Variants in EFCAB6 observed in about 807,000 individuals in gnomAD.
EFCAB6 encodes EF-hand calcium-binding domain-containing protein 6.
A neutral mutation model predicts 169.8 loss-of-function variants in EFCAB6; 156 were observed. The observed-to-expected ratio is 0.92, with a 90% CI of 0.81 to 1.05. EFCAB6 has a LOEUF of 1.05. EFCAB6 is among the 50% of genes least tolerant of loss of function. The pLI, the probability that EFCAB6 is intolerant of heterozygous loss-of-function variation, is 0.00. For synonymous variants in EFCAB6, 698 were observed against 676.4 expected (o/e 1.03, Z -0.50); for missense variants, 1,800 against 1,829.1 (o/e 0.98, Z 0.29).
At chr22:43,747,768 G>A (rs1343255338) in intron 6 of EFCAB6, among the ~76,000 whole-genome samples, 1 of 151,970 alleles carries the variant, frequency 6.6e-6, no homozygotes, top group African/African-American at 2.4e-5. Context: ...CTTCCTCTAA[G>A]GCCTGGTTCA....
chr22:43,676,072 A>G (rs184337441), intron 13 of EFCAB6, among the ~76,000 whole-genome samples: 1 of 152,104 alleles, frequency 6.6e-6, no homozygotes, highest in African/African-American at 2.4e-5. Flanking sequence ...TGAGGGGGAA[A>G]GGCTCATCAT....
At position 43,530,977 on chromosome 22, in the gene EFCAB6, CAAGAAGGGGT is replaced by C. The variant is rs76475527; in HGVS notation, c.4234-23_4234-14del. 0.056 allele frequency: 90,215 copies of C among 1,613,092 alleles called. 2,990 individuals are homozygous for C. The highest frequency in any genetic ancestry group is 0.093 in the Admixed American group (5,603 of 59,932). ...CGCCGGCTTCTTTCTAGACACAAGA[CAAGAAGGGGT>C]GAGGAGGGAGCTTTTGAACACGAGG... On this transcript the variant is annotated splice_polypyrimidine_tract_variant and intron_variant, in intron 30 of 31. Transcript: ENST00000262726.
At chr22:43,620,311 AAAAAG>A (rs879851458) in intron 20 of EFCAB6, among the ~76,000 whole-genome samples, 17 of 152,110 alleles carry the variant, frequency 1.1e-4, no homozygotes, top group Non-Finnish European at 2.4e-4. Flanking sequence ...AGCTAGTTAA[AAAAAG>A]AAAAGAAAAG....
At chr22:43,670,748 C>G (rs1357005314) in intron 15 of EFCAB6, among the ~76,000 whole-genome samples, 1 of 152,218 alleles carries the variant, frequency 6.6e-6, no homozygotes, top group Non-Finnish European at 1.5e-5. Flanking sequence ...CTTTGGTCAG[C>G]TGGGAGAGAC....
At chr22:43,568,723 G>A (rs1371683001) in intron 26 of EFCAB6, among the ~76,000 whole-genome samples, 5 of 152,172 alleles carry the variant, frequency 3.3e-5, no homozygotes, top group Non-Finnish European at 1.5e-5. Context: ...GGGGTGTGCT[G>A]CATAGGGCTG....
In EFCAB6 at chr22:43,616,113, T is replaced by A. The variant is rs985009252; in HGVS notation, c.2466-191A>T. On this transcript the variant is annotated intron_variant, in intron 20 of 31. Transcript: ENST00000262726. Reference sequence around the variant, plus strand: ...TGCATGTCAGGGAAGTCTTCTTAAATTTTGTAAGTCCTTGTTTATTTTCAG... The same window carrying A: ...TGCATGTCAGGGAAGTCTTCTTAAAATTTGTAAGTCCTTGTTTATTTTCAG... Among the ~76,000 whole-genome samples, 6 of 152,222 alleles carry A rather than the reference T, an allele frequency of 3.9e-5. No individual in the cohort carries two copies. In the South Asian group the frequency reaches 6.2e-4, roughly 16 times the overall value.
At chr22:43,662,330 C>T (rs1603049365) in intron 17 of EFCAB6, among the ~76,000 whole-genome samples, 1 of 152,132 alleles carries the variant, frequency 6.6e-6, no homozygotes, top group Non-Finnish European at 1.5e-5. Flanking sequence ...GACTCTATTT[C>T]TGCCATTCTC....
chr22:43,581,527 C>T (rs2050726956), intron 24 of EFCAB6, among the ~76,000 whole-genome samples: 1 of 152,206 alleles, frequency 6.6e-6, no homozygotes, highest in African/African-American at 2.4e-5. Flanking sequence ...GAACATATAG[C>T]ATATCTATTA....
chr22:43,797,020 G>GAC (rs1713079035), intron 2 of EFCAB6, among the ~76,000 whole-genome samples: 1 of 152,162 alleles, frequency 6.6e-6, no homozygotes, highest in Non-Finnish European at 1.5e-5. Context: ...TTGCTGATGT[G>GAC]ATATATATGA....
At chr22:43,596,626 C>T (rs760709037) in intron 23 of EFCAB6, among the ~76,000 whole-genome samples, 17 of 151,992 alleles carry the variant, frequency 1.1e-4, no homozygotes, top group African/African-American at 4.1e-4. Context: ...AAATGATATC[C>T]CTTGCTCATG....
At chr22:43,587,922 T>C (rs754545920) in intron 24 of EFCAB6, among the ~76,000 whole-genome samples, 4 of 152,118 alleles carry the variant, frequency 2.6e-5, no homozygotes, top group Non-Finnish European at 5.9e-5. Flanking sequence ...CAAATCAACA[T>C]ACCAAATCTA....
intron 3 of EFCAB6, among the ~76,000 whole-genome samples, chr22:43,776,559 G>A (rs147603129): frequency 1.8e-4 from 27 of 152,332 alleles, no homozygotes; most frequent in Non-Finnish European, 2.6e-4. Context: ...GGGTTTGTGA[G>A]CTGAAACCCG....
intron 24 of EFCAB6, among the ~76,000 whole-genome samples, chr22:43,588,924 C>T (rs2051259746): frequency 6.6e-6 from 1 of 151,970 alleles, no homozygotes; most frequent in Non-Finnish European, 1.5e-5. Context: ...AAAACTGACG[C>T]AGCAATACGA....
rs2053638912 is a variant in EFCAB6 at position 43,615,710 on chromosome 22, TAC to T, written c.2562+114_2562+115del. ...GAATAGCAGGAGTCCTCACACTGGG[TAC>T]ACAGAGTTGTTTTCCCATCTTAGCG... On this transcript the variant is annotated intron_variant, in intron 21 of 31. Coordinates refer to ENST00000262726, the MANE Select transcript of EFCAB6 (RefSeq NM_022785.4). The T allele has an allele frequency of 3.8e-6, 3 of 793,984 alleles. No individual in the cohort carries two copies. In the Admixed American group the frequency reaches 8.0e-5, roughly 21 times the overall value. The allele number at this position is 793,984 out of a possible 1,614,324, so 49.2% of individuals were successfully genotyped here. A position where few individuals can be genotyped will look rare whatever the true frequency, so the allele number is the denominator to read the frequency against.
In EFCAB6 at chr22:43,540,208, G is replaced by A. The variant is rs144783076; in HGVS notation, c.3798C>T (p.Asp1266=). ...GGGCAGATCTGGTGCCTTCCGAGAC[G>A]TCAGGGACACTGCTCCCTCTCTGGG... is the stretch of plus-strand genomic sequence containing the variant. ...AVAQRGSSVP[D]VSEGTRSALS... is the part of the protein sequence containing the mutation. Residue 1266 remains aspartate, a synonymous_variant, in exon 28 of 32, where the codon GAC becomes GAT. Coordinates refer to ENST00000262726, the MANE Select transcript of EFCAB6 (RefSeq NM_022785.4). The A allele has an allele frequency of 3.5e-5, 57 of 1,614,116 alleles. No homozygotes were observed. Among genetic ancestry groups the A allele is most frequent in the Middle Eastern group, 1.6e-4 (1 of 6,084 alleles).
chr22:43,593,059 G>T (rs990649684), intron 23 of EFCAB6, among the ~76,000 whole-genome samples: 4 of 138,686 alleles, frequency 2.9e-5, no homozygotes, highest in Non-Finnish European at 6.2e-5. Flanking sequence ...CAGTATAGAG[G>T]AGGAGGTAAA....
At chr22:43,793,906 G>T (rs1412417025) in intron 2 of EFCAB6, among the ~76,000 whole-genome samples, 2 of 152,116 alleles carry the variant, frequency 1.3e-5, no homozygotes, top group Admixed American at 1.3e-4. Flanking sequence ...GTTTTTAAAT[G>T]CATTTATTTT....
rs541107737 is a variant in EFCAB6, at chr22:43,649,903, G to A, written c.1984-14687C>T. Among the ~76,000 whole-genome samples the A allele has an allele frequency of 6.6e-5, 10 of 152,338 alleles. No homozygotes were observed. In the South Asian group the frequency reaches 1.9e-3, roughly 28 times the overall value. On this transcript the variant is annotated intron_variant, in intron 17 of 31. Coordinates refer to ENST00000262726, the MANE Select transcript of EFCAB6 (RefSeq NM_022785.4). Reference sequence around the variant, plus strand: ...CCAGGCAGACAGAGAAGCAAGTAAAGTATGTGAGGAGCTCATGAAACTGGA... The same window carrying A: ...CCAGGCAGACAGAGAAGCAAGTAAAATATGTGAGGAGCTCATGAAACTGGA...
chr22:43,760,203 C>CA (rs371022953), intron 5 of EFCAB6, among the ~76,000 whole-genome samples: 70,415 of 104,312 alleles, frequency 0.68, 21,382 homozygotes, highest in African/African-American at 0.74. Flanking sequence ...GACTCTGTCT[C>CA]AAAAAAAAAA....
Sources: gnomAD v4.1 joint callset for allele counts (sites outside exome capture counted in the v4.1 genomes callset) on GRCh38, gnomAD v4.1.1 for gene constraint, MANE v1.5 for transcripts, NCBI Gene and HGNC (gene_info 2026-07-23, HGNC 2026-07-21) for gene names.